PSMG2: variants seen among roughly 807,000 people sequenced by gnomAD.
PSMG2 encodes CD40 ligand-activated specific transcript 3.
A neutral mutation model predicts 31.5 loss-of-function variants in PSMG2; 21 were observed. That is an observed-to-expected ratio of 0.67 (90% CI 0.47 to 0.96). PSMG2 has a LOEUF of 0.96. PSMG2 is among the 40% of genes least tolerant of loss of function. The pLI, the probability that PSMG2 is intolerant of heterozygous loss-of-function variation, is 0.00. For missense variants in PSMG2, 318 were observed against 321.2 expected, an observed-to-expected ratio of 0.99 and a Z score of 0.08; for synonymous variants, 120 against 110.4, an observed-to-expected ratio of 1.09 and a Z score of -0.54.
chr18:12,716,978 G>C (rs2145146609), intron 3 of PSMG2, among the ~76,000 whole-genome samples: 1 of 141,222 alleles, frequency 7.1e-6, no homozygotes, highest in East Asian at 2.1e-4. Context: ...TTTGAGACAG[G>C]GTGTCACTCC....
intron 2 of PSMG2, among the ~76,000 whole-genome samples, chr18:12,707,017 G>A (rs908032640): frequency 5.3e-5 from 8 of 151,914 alleles, no homozygotes; most frequent in Non-Finnish European, 1.0e-4. Context: ...GTGCAGTGAC[G>A]CGATCTCCGC....
At position 12,716,044 on chromosome 18, in the gene PSMG2, G is replaced by A. The variant is rs568812201; in HGVS notation, c.289-2473G>A. 5.1e-4 allele frequency among the ~76,000 whole-genome samples: 77 copies of A among 152,136 alleles called. No individual in the cohort carries two copies. The South Asian group carries it at 0.014, about 27-fold the overall frequency. ...CTTCCTTTCTTAACATTCCCTTTGCGGGGTTCACCCATGTTGTTGGAAGTA... is the reference window on the plus strand; with the variant it reads ...CTTCCTTTCTTAACATTCCCTTTGCAGGGTTCACCCATGTTGTTGGAAGTA... On this transcript the variant is annotated intron_variant, in intron 3 of 6. Transcript: ENST00000317615.
At chr18:12,706,444 G>A (rs971424783) in intron 1 of PSMG2, 106 bp from the exon 2 acceptor site, 22 of 1,195,360 alleles carry the variant, frequency 1.8e-5, no homozygotes, top group South Asian at 1.0e-4. Context: ...CCAAGATCAC[G>A]CCACTGTACT....
chr18:12,705,256 G>A (rs1047573764), intron 1 of PSMG2, among the ~76,000 whole-genome samples: 1 of 152,034 alleles, frequency 6.6e-6, no homozygotes, highest in Admixed American at 6.6e-5. Context: ...TAGAGACAGG[G>A]TTTCACCATG....
chr18:12,691,341 CTAATA>C, intron 1 of PSMG2: 4 of 1,506,932 alleles, frequency 2.7e-6, no homozygotes, highest in Non-Finnish European at 3.6e-6. Context: ...TAAAATTATT[CTAATA>C]TAATTTACAA....
Position 12,725,596 on chromosome 18 carries a change from A to G in PSMG2, c.*65A>G, listed in dbSNP as rs539767017. 1.1e-4 allele frequency: 134 copies of G among 1,230,074 alleles called. No homozygotes were observed. In the African/African-American group the frequency reaches 1.8e-3, roughly 16 times the overall value. 76.2% of individuals were successfully genotyped at this position (1,230,074 alleles called of 1,614,324 possible). A position where few individuals can be genotyped will look rare whatever the true frequency, so the allele number is the denominator to read the frequency against. ...TACCAACACAGCTGTTAAACATTCT[A>G]TACAAAAAAATTGTATGATCTGGTA... On this transcript the variant is annotated 3_prime_UTR_variant, in exon 7 of 7. Transcript: ENST00000317615.
intron 5 of PSMG2, among the ~76,000 whole-genome samples, chr18:12,722,456 G>A (rs955271754): frequency 1.3e-5 from 2 of 152,174 alleles, no homozygotes; most frequent in African/African-American, 4.8e-5. Context: ...GAGAATCCGA[G>A]GGCAGGGGTG....
chr18:12,673,373 C>T (rs1192227693), intron 1 of PSMG2: 1 of 1,604,902 alleles, frequency 6.2e-7, no homozygotes, highest in Non-Finnish European at 8.5e-7. Context: ...CCCTATAATA[C>T]CGAGCGATAT....
chr18:12,666,588 C>T (rs1264132700), intron 1 of PSMG2, among the ~76,000 whole-genome samples: 2 of 151,742 alleles, frequency 1.3e-5, no homozygotes, highest in Admixed American at 6.6e-5. Context: ...TACAGGTGCA[C>T]GCACCATGCC....
At chr18:12,686,525 G>A (rs1191176167) in intron 1 of PSMG2, 12 of 1,098,238 alleles carry the variant, frequency 1.1e-5, no homozygotes, top group Non-Finnish European at 1.6e-5. Flanking sequence ...ATACATTAAT[G>A]TAGGATAAAA....
intron 1 of PSMG2, among the ~76,000 whole-genome samples, chr18:12,677,047 T>A (rs958760307): frequency 6.6e-6 from 1 of 152,212 alleles, no homozygotes; most frequent in African/African-American, 2.4e-5. Context: ...CTTAATGTCT[T>A]CTCTTGATGA....
chr18:12,673,445 G>A (rs1018596817), intron 1 of PSMG2: 18 of 1,594,178 alleles, frequency 1.1e-5, no homozygotes, highest in Admixed American at 3.7e-5. Flanking sequence ...ACTCGGACAC[G>A]AACTGCCAGT....
Position 12,724,637 on chromosome 18 carries a change from T to A in PSMG2, c.702+18T>A. On this transcript the variant is annotated intron_variant, in intron 6 of 6. Coordinates refer to ENST00000317615, the MANE Select transcript of PSMG2 (RefSeq NM_020232.5). ...AACCACTTGTAAGTTCTATTATAGC[T>A]TAAGCCTCTTCTTTGTCTGGTTGTA... 1 of 1,575,190 alleles carries A rather than the reference T, an allele frequency of 6.3e-7. No individual in the cohort carries two copies.
intron 2 of PSMG2, among the ~76,000 whole-genome samples, chr18:12,706,978 C>T (rs772397348): frequency 5.3e-5 from 8 of 151,726 alleles, no homozygotes; most frequent in South Asian, 4.1e-4. Context: ...ATTTTTGAGA[C>T]GGAGTCTCGC....
At chr18:12,677,384 A>ACCAAGATCACGCCACTGTG (rs548162238) in intron 1 of PSMG2, among the ~76,000 whole-genome samples, 3 of 149,748 alleles carry the variant, frequency 2.0e-5, no homozygotes, top group Non-Finnish European at 1.5e-5. Flanking sequence ...GTTGCAGTGA[A>ACCAAGATCACGCCACTGTG]CCAAGATCAC....
At chr18:12,673,643 G>T (rs1474939799) in intron 1 of PSMG2, 1 of 563,146 alleles carries the variant, frequency 1.8e-6, no homozygotes, top group Non-Finnish European at 2.9e-6. Context: ...ACTTTGGGAG[G>T]CCGAGACAGG....
At chr18:12,695,366 A>T in intron 1 of PSMG2, 1 of 1,289,284 alleles carries the variant, frequency 7.8e-7, no homozygotes, top group Non-Finnish European at 1.1e-6. Flanking sequence ...AAACATAAAT[A>T]TTTTGAACTT....
chr18:12,673,243 T>C, intron 1 of PSMG2: 3 of 1,433,216 alleles, frequency 2.1e-6, no homozygotes, highest in Non-Finnish European at 2.7e-6. Context: ...ATATACAAAA[T>C]TGAAGTATGC....
chr18:12,721,987 C>T (rs1233386203), intron 5 of PSMG2, among the ~76,000 whole-genome samples: 1 of 152,140 alleles, frequency 6.6e-6, no homozygotes, highest in Non-Finnish European at 1.5e-5. Context: ...GTGTTCCTCT[C>T]TTGTCCCCCT....
Sources: gnomAD v4.1 joint callset for allele counts (sites outside exome capture counted in the v4.1 genomes callset) on GRCh38, gnomAD v4.1.1 for gene constraint, MANE v1.5 for transcripts, NCBI Gene and HGNC (gene_info 2026-07-23, HGNC 2026-07-21) for gene names.